EML4: variants seen among roughly 807,000 people sequenced by gnomAD.
EML4 encodes EMAP like 4, also known as echinoderm microtubule-associated protein-like 4.
In EML4, 72 loss-of-function variants were observed where a neutral mutation model predicts 129.0. The observed-to-expected ratio is 0.56, with a 90% confidence interval of 0.46 to 0.68. The LOEUF is 0.68. EML4 is among the 30% of genes least tolerant of loss of function. EML4 has a pLI of 0.00. For synonymous variants in EML4, 532 were observed against 405.0 expected (o/e 1.31, Z -3.77); for missense variants, 1,363 against 1,190.6 (o/e 1.14, Z -2.13).
chr2:42,243,952 GCT>G (rs1449147003), intron 1 of EML4, among the ~76,000 whole-genome samples: 1 of 152,092 alleles, frequency 6.6e-6, no homozygotes, highest in Non-Finnish European at 1.5e-5. Context: ...GGTCCAAACA[GCT>G]CTTACATTAG....
chr2:42,317,354 A>C, intron 18 of EML4, 73 bp from the exon 19 acceptor site: 3 of 993,876 alleles, frequency 3.0e-6, no homozygotes, highest in Non-Finnish European at 4.6e-6. Flanking sequence ...CAGCATTTGT[A>C]AAATCAGTAA....
At chr2:42,179,136 A>G (rs868331544) in intron 1 of EML4, among the ~76,000 whole-genome samples, 1 of 152,152 alleles carries the variant, frequency 6.6e-6, no homozygotes, top group Non-Finnish European at 1.5e-5. Context: ...TCTGCATGTG[A>G]TACCCAGAAA....
At chr2:42,194,069 A>G (rs920827472) in intron 1 of EML4, among the ~76,000 whole-genome samples, 1 of 152,186 alleles carries the variant, frequency 6.6e-6, no homozygotes, top group Non-Finnish European at 1.5e-5. Flanking sequence ...AGGGTAATTC[A>G]TGTTTGCTCA....
intron 1 of EML4, among the ~76,000 whole-genome samples, chr2:42,212,599 T>C (rs1182631945): frequency 6.6e-6 from 1 of 152,228 alleles, no homozygotes; most frequent in Non-Finnish European, 1.5e-5. Flanking sequence ...TTAATTTCTT[T>C]TAATTTAGAT....
intron 3 of EML4, 54 bp from the exon 4 acceptor site, chr2:42,261,066 AT>A (rs937544796): frequency 2.2e-5 from 30 of 1,337,158 alleles, no homozygotes; most frequent in African/African-American, 1.2e-4. Flanking sequence ...CTATCGTTTG[AT>A]TTTTTTTCAT....
chr2:42,283,971 G>C (rs1341603823), intron 8 of EML4, among the ~76,000 whole-genome samples: 1 of 152,196 alleles, frequency 6.6e-6, no homozygotes, highest in African/African-American at 2.4e-5. Context: ...AAAGAGTCTA[G>C]ATATGGACAT....
chr2:42,295,330 C>G (rs2103678970), intron 12 of EML4, 51 bp from the exon 13 acceptor site: 1 of 1,603,528 alleles, frequency 6.2e-7, no homozygotes, highest in Non-Finnish European at 8.5e-7. Context: ...TAATAAGCAT[C>G]AAGTTGTCAT....
chr2:42,258,612 C>T (rs1426637783), intron 3 of EML4, among the ~76,000 whole-genome samples: 1 of 152,022 alleles, frequency 6.6e-6, no homozygotes, highest in Non-Finnish European at 1.5e-5. Flanking sequence ...GTTGGTGAGG[C>T]TGGTCTCAAA....
At chr2:42,281,296 G>A (rs1027575847) in intron 7 of EML4, among the ~76,000 whole-genome samples, 4 of 151,886 alleles carry the variant, frequency 2.6e-5, no homozygotes, top group Non-Finnish European at 4.4e-5. Flanking sequence ...GGGAGGCTGA[G>A]GCAGGAGAAT....
chr2:42,183,064 G>A (rs1267351236), intron 1 of EML4, among the ~76,000 whole-genome samples: 3 of 152,178 alleles, frequency 2.0e-5, no homozygotes, highest in Non-Finnish European at 2.9e-5. Flanking sequence ...CTGAGGTGGG[G>A]AGATTGCTTG....
chr2:42,329,891 C>G lies in EML4; in HGVS notation c.2630C>G (p.Ala877Gly). The G allele has an allele frequency of 6.2e-7, 1 of 1,614,042 alleles. No homozygotes were observed. Among genetic ancestry groups the G allele is most frequent in the Non-Finnish European group, 8.5e-7 (1 of 1,179,998 alleles). ...TCTTTGCCTCAGAATGAGACTGTAGCGGATACTACTCTAACCAAAGCCCCC... is the reference window on the plus strand; with the variant it reads ...TCTTTGCCTCAGAATGAGACTGTAGGGGATACTACTCTAACCAAAGCCCCC... ...KLSLPQNETV[A>G]DTTLTKAPVS... The change falls in exon 23 of 23, where the codon GCG becomes GGG. Residue 877 changes from alanine to glycine, a missense_variant. By Grantham distance (60) the Ala-to-Gly change is moderately conservative (BLOSUM62 0). Transcript: ENST00000318522.
chr2:42,325,559 G>T lies in EML4; in HGVS notation c.2242+5G>T. ...GAGACTATGAAATATTGTACTGTAA[G>T]TATGAATGATTTTATATATATATAT... On this transcript the variant is annotated splice_donor_5th_base_variant and intron_variant, in intron 20 of 22. Transcript: ENST00000318522. 2 of 977,092 alleles carry T rather than the reference G, an allele frequency of 2.0e-6. No individual in the cohort carries two copies. Among genetic ancestry groups the T allele is most frequent in the Non-Finnish European group, 3.0e-6 (2 of 673,574 alleles). The allele number at this position is 977,092 out of a possible 1,614,324, so 60.5% of individuals were successfully genotyped here.
At chr2:42,261,547 C>A in intron 4 of EML4, 1 of 310,410 alleles carries the variant, frequency 3.2e-6, no homozygotes, top group Non-Finnish European at 5.8e-6. Flanking sequence ...GAAAAGAAGG[C>A]AGGAATAACC....
At chr2:42,321,015 A>T (rs1482817227) in intron 19 of EML4, among the ~76,000 whole-genome samples, 1 of 152,166 alleles carries the variant, frequency 6.6e-6, no homozygotes, top group African/African-American at 2.4e-5. Context: ...AATCGCCAAG[A>T]AAATAAATCC....
chr2:42,310,949 T>C lies in EML4; in HGVS notation c.1968-5013T>C, dbSNP rs145082305. Reference sequence around the variant, plus strand: ...AAATTATATATGGAAGTTGTATATCTTTAATAACAAACATTGAATTACTAC... The same window carrying C: ...AAATTATATATGGAAGTTGTATATCCTTAATAACAAACATTGAATTACTAC... On this transcript the variant is annotated intron_variant, in intron 17 of 22. Transcript: ENST00000318522. Among the ~76,000 whole-genome samples, 380 of 152,322 alleles carry C rather than the reference T, an allele frequency of 2.5e-3. 7 individuals are homozygous for C. In the East Asian group the frequency reaches 0.027, roughly 11 times the overall value.
Position 42,295,245 on chromosome 2 carries a change from C to T in EML4, c.1339C>T (p.Gln447Ter). ...GAGCGGCAATTCACTAACAAGAAAA[C>T]AGGGAATTTTTGGGGTAAGAATCAG... is the stretch of plus-strand genomic sequence containing the variant. ...TWSGNSLTRK[Q>*]GIFGKYEKPK... Residue 447 changes from glutamine (Q) to a stop codon, truncating the protein, a stop_gained, in exon 12 of 23, where the codon CAG becomes TAG. Transcript: ENST00000318522. LOFTEE classifies it high-confidence loss of function. 1.2e-6 allele frequency: 2 copies of T among 1,612,996 alleles called. No homozygotes were observed. The highest frequency in any genetic ancestry group is 1.7e-6 in the Non-Finnish European group (2 of 1,179,718).
chr2:42,323,821 G>A (rs1245825067), intron 19 of EML4, among the ~76,000 whole-genome samples: 1 of 151,062 alleles, frequency 6.6e-6, no homozygotes, highest in African/African-American at 2.4e-5. Context: ...ATGCGCACCT[G>A]TAGTCCCAGC....
chr2:42,266,661 T>G (rs1666083437), intron 6 of EML4, among the ~76,000 whole-genome samples: 1 of 152,088 alleles, frequency 6.6e-6, no homozygotes, highest in African/African-American at 2.4e-5. Context: ...TTTTTTTTTT[T>G]TTTTTAAATA....
chr2:42,322,659 G>T (rs1043851462), intron 19 of EML4, among the ~76,000 whole-genome samples: 3 of 152,206 alleles, frequency 2.0e-5, no homozygotes, highest in African/African-American at 7.2e-5. Flanking sequence ...GGCCAGCTTA[G>T]AATACTTTTT....
Sources: allele counts gnomAD v4.1 joint callset (sites outside exome capture counted in the v4.1 genomes callset), GRCh38; gene constraint gnomAD v4.1.1; transcripts MANE v1.5; gene names NCBI Gene and HGNC (gene_info 2026-07-23, HGNC 2026-07-21).